The following HOOK3 variants were observed in gnomAD, a reference collection of about 807,000 sequenced individuals.
HOOK3 encodes the protein hook microtubule tethering protein 3.
A neutral mutation model predicts 116.3 loss-of-function variants in HOOK3; 24 were observed. The ratio of observed to expected loss-of-function variants is 0.21; its 90% confidence interval spans 0.15 to 0.29. HOOK3 has a LOEUF of 0.29. HOOK3 is among the 10% of genes least tolerant of loss of function. HOOK3 has a pLI of 1.00. For synonymous variants in HOOK3, 275 were observed against 283.0 expected, an observed-to-expected ratio of 0.97 and a Z score of 0.28; for missense variants, 632 against 830.2, an observed-to-expected ratio of 0.76 and a Z score of 2.93.
At position 42,943,334 on chromosome 8, in the gene HOOK3, G is replaced by T; in HGVS notation, c.289G>T (p.Asp97Tyr). ...TCAGATTTTAGGACAGCAAATTAAT[G>T]ACTTTACCCTTCCTGATGTGAACCT... Reference protein sequence around the residue: ...NHEILGQQINDFTLPDVNLIG... With the variant: ...NHEILGQQINYFTLPDVNLIG... Residue 97 changes from aspartate to tyrosine, a missense_variant, in exon 5 of 22, where the codon GAC becomes TAC. Around this residue, in one of 3 missense-constraint regions of HOOK3, gnomAD observed 141 missense variants for 150.8 expected, o/e 0.93. Coordinates refer to ENST00000307602, the MANE Select transcript of HOOK3 (RefSeq NM_032410.4). 1.3e-6 allele frequency: 2 copies of T among 1,504,962 alleles called. No homozygotes were observed. The highest frequency in any genetic ancestry group is 1.4e-5 in the South Asian group (1 of 69,694). The allele number at this position is 1,504,962 out of a possible 1,614,324, so 93.2% of individuals were successfully genotyped here. A position where few individuals can be genotyped will look rare whatever the true frequency, so the allele number is the denominator to read the frequency against.
chr8:43,015,951 C>T (rs1261515990), intron 21 of HOOK3, among the ~76,000 whole-genome samples: 1 of 151,268 alleles, frequency 6.6e-6, no homozygotes, highest in African/African-American at 2.4e-5. Context: ...TTCCTGACCT[C>T]GTGATTCACC....
chr8:42,969,761 A>G (rs1200744470), intron 11 of HOOK3, among the ~76,000 whole-genome samples: 4 of 152,136 alleles, frequency 2.6e-5, no homozygotes, highest in Non-Finnish European at 4.4e-5. Context: ...TTTACTGACC[A>G]TATTTCTTTT....
intron 15 of HOOK3, among the ~76,000 whole-genome samples, chr8:42,988,926 T>TTAA (rs1809101480): frequency 1.3e-5 from 2 of 152,220 alleles, no homozygotes; most frequent in Non-Finnish European, 2.9e-5. Context: ...AGTATTTATA[T>TTAA]TACCTTGACT....
chr8:42,919,198 T>C (rs1238206184), intron 2 of HOOK3, among the ~76,000 whole-genome samples: 17 of 133,666 alleles, frequency 1.3e-4, no homozygotes, highest in African/African-American at 4.9e-4. Context: ...GGGCGGCTGC[T>C]GGGCAGAGGG....
intron 4 of HOOK3, among the ~76,000 whole-genome samples, chr8:42,934,321 C>T (rs1807924788): frequency 6.6e-6 from 1 of 151,824 alleles, no homozygotes. Context: ...CTTTTATATC[C>T]TCTTCTTGCT....
At chr8:42,925,886 T>A (rs1807756255) in intron 3 of HOOK3, among the ~76,000 whole-genome samples, 1 of 152,210 alleles carries the variant, frequency 6.6e-6, no homozygotes, top group East Asian at 1.9e-4. Flanking sequence ...TTACTGTCTA[T>A]GGGGAAGTGT....
intron 13 of HOOK3, among the ~76,000 whole-genome samples, chr8:42,979,502 A>G (rs1243716699): frequency 1.3e-5 from 2 of 152,164 alleles, no homozygotes; most frequent in African/African-American, 2.4e-5. Context: ...GTTTGGCTTC[A>G]CAGTTCACTC....
rs60094537 is a variant in HOOK3, at chr8:42,996,894, CTTTTTTTTTTTTTTTT to C, written c.1533-643_1533-628del. The stretch of plus-strand genomic sequence containing the variant: ...ACTTTAATTCCGTGAGGGCAGGGAT[CTTTTTTTTTTTTTTTT>C]TTTTTTTTTTTTGGGAGGCAGGGTC... On this transcript the variant is annotated intron_variant, in intron 15 of 21. Coordinates refer to ENST00000307602, the MANE Select transcript of HOOK3 (RefSeq NM_032410.4). Among the ~76,000 whole-genome samples, 117 of 77,898 alleles carry C rather than the reference CTTTTTTTTTTTTTTTT, an allele frequency of 1.5e-3. 2 individuals carry two copies. In the South Asian group the frequency reaches 0.022, roughly 14 times the overall value. The allele number at this position is 77,898 out of a possible 152,430, so 51.1% of individuals were successfully genotyped here.
intron 17 of HOOK3, among the ~76,000 whole-genome samples, chr8:43,005,776 A>C (rs1278347935): frequency 1.3e-5 from 2 of 151,576 alleles, no homozygotes; most frequent in African/African-American, 2.4e-5. Context: ...GGCTCACTTC[A>C]ACCTCTGCCT....
chr8:42,943,504 T>C, intron 5 of HOOK3, 59 bp downstream of exon 5: 1 of 1,130,270 alleles, frequency 8.8e-7, no homozygotes. Flanking sequence ...AGTGTATATT[T>C]TATATTTTAT....
intron 3 of HOOK3, among the ~76,000 whole-genome samples, chr8:42,928,395 G>C (rs1807810983): frequency 6.6e-6 from 1 of 151,924 alleles, no homozygotes. Context: ...AGGTTGCAGT[G>C]AGCCGAGATT....
chr8:42,965,188 A>G (rs1314876237), intron 9 of HOOK3, among the ~76,000 whole-genome samples: 2 of 152,268 alleles, frequency 1.3e-5, no homozygotes, highest in Non-Finnish European at 2.9e-5. Context: ...TTGGAAAAGT[A>G]ATGGTCAGAG....
chr8:42,981,295 C>G (rs1366652914), intron 13 of HOOK3, among the ~76,000 whole-genome samples: 2 of 151,812 alleles, frequency 1.3e-5, no homozygotes, highest in African/African-American at 4.8e-5. Flanking sequence ...TCAATCGATC[C>G]GCCCACCTCG....
At chr8:42,939,708 G>C (rs915249793) in intron 4 of HOOK3, among the ~76,000 whole-genome samples, 1 of 147,980 alleles carries the variant, frequency 6.8e-6, no homozygotes, top group Non-Finnish European at 1.5e-5. Context: ...TGGGCGGAGG[G>C]GCTCCTCACT....
intron 17 of HOOK3, among the ~76,000 whole-genome samples, chr8:43,004,633 G>A (rs550377871): frequency 1.4e-5 from 2 of 145,214 alleles, no homozygotes; most frequent in South Asian, 2.3e-4. Context: ...GTGAGCCGAG[G>A]TCATGTCACT....
At position 43,025,794 on chromosome 8, in the gene HOOK3, G is replaced by A; in HGVS notation, c.*7296G>A. The A allele has an allele frequency of 4.7e-6, 1 of 211,854 alleles. No individual in the cohort carries two copies. Among genetic ancestry groups the A allele is most frequent in the Non-Finnish European group, 9.6e-6 (1 of 104,650 alleles). 13.1% of individuals were successfully genotyped at this position (211,854 alleles called of 1,614,324 possible). ...GCTTTATCTAGTTTGCAAGCCATAG[G>A]CTCAATTTTATGTCCTTCTTACTTA... is the stretch of plus-strand genomic sequence containing the variant. On this transcript the variant is annotated 3_prime_UTR_variant, in exon 22 of 22. Transcript: ENST00000307602.
intron 15 of HOOK3, among the ~76,000 whole-genome samples, chr8:42,993,092 A>G (rs753609564): frequency 7.2e-5 from 11 of 152,238 alleles, no homozygotes; most frequent in Non-Finnish European, 1.5e-4. Flanking sequence ...CCTTTATTCT[A>G]TTGATATAAT....
rs1211290287 is a variant in HOOK3, at chr8:43,008,808, C to T, written c.1738+879C>T. On this transcript the variant is annotated intron_variant, in intron 18 of 21. Coordinates refer to ENST00000307602, the MANE Select transcript of HOOK3 (RefSeq NM_032410.4). ...CCAAGTAGCTGGGACTACAGGCGCCCGCCACTACGCCCGGCTAATTTTTTG... is the reference window on the plus strand; with the variant it reads ...CCAAGTAGCTGGGACTACAGGCGCCTGCCACTACGCCCGGCTAATTTTTTG... 4.0e-5 allele frequency among the ~76,000 whole-genome samples: 6 copies of T among 148,674 alleles called. No individual in the cohort carries two copies. In the South Asian group the frequency reaches 6.4e-4, roughly 16 times the overall value.
chr8:42,978,253 T>C (rs1164924533), intron 13 of HOOK3, among the ~76,000 whole-genome samples: 2 of 152,142 alleles, frequency 1.3e-5, no homozygotes, highest in Non-Finnish European at 2.9e-5. Context: ...AACCATTTTC[T>C]TTTTTTGAGA....
Sources: allele counts gnomAD v4.1 joint callset (sites outside exome capture counted in the v4.1 genomes callset), GRCh38; gene constraint gnomAD v4.1.1; regional missense constraint gnomAD v4.1.1; transcripts MANE v1.5; gene names NCBI Gene and HGNC (gene_info 2026-07-23, HGNC 2026-07-21).